Variants in VWDE observed in about 807,000 individuals in gnomAD.
VWDE encodes von Willebrand factor D and EGF domain-containing protein.
VWDE carries 207 observed loss-of-function variants against 178.4 expected under a neutral mutation model. The ratio of observed to expected loss-of-function variants is 1.16; its 90% CI spans 1.04 to 1.30. The LOEUF is 1.30. VWDE is among the 50% of genes most tolerant of loss of function. VWDE has a pLI of 0.00. For missense variants in VWDE, 2,287 were observed against 1,901.3 expected (o/e 1.20, Z -3.77); for synonymous variants, 738 against 651.4 (o/e 1.13, Z -2.02).
At chr7:12,375,303 T>C in intron 7 of VWDE, 76 bp from the exon 8 acceptor site, 1 of 1,036,066 alleles carries the variant, frequency 9.7e-7, no homozygotes. Flanking sequence ...TTAATTAACA[T>C]GAAACACTGA....
At chr7:12,352,418 CT>C (rs1357323640) in intron 18 of VWDE, among the ~76,000 whole-genome samples, 1 of 152,144 alleles carries the variant, frequency 6.6e-6, no homozygotes, top group Non-Finnish European at 1.5e-5. Flanking sequence ...ACCAAAAGTC[CT>C]TTTGTATTAA....
intron 3 of VWDE, 88 bp downstream of exon 3, chr7:12,389,039 C>T (rs1356912758): frequency 2.1e-6 from 2 of 937,136 alleles, no homozygotes; most frequent in Non-Finnish European, 3.4e-6. Flanking sequence ...CTGAGATTTG[C>T]ACTAACTCAA....
At chr7:12,332,579 C>A (rs1010216431) in intron 28 of VWDE, among the ~76,000 whole-genome samples, 2 of 152,092 alleles carry the variant, frequency 1.3e-5, no homozygotes, top group Non-Finnish European at 2.9e-5. Flanking sequence ...ACTTAGGCTG[C>A]CTTCAAACCC....
chr7:12,340,243 T>C lies in VWDE; in HGVS notation c.4366+79A>G. ...AAAATCGCATCTTTCCCTTTGAAAC[T>C]TGTCTCATGTTTACTCAGAGCTCTG... On this transcript the variant is annotated intron_variant, in intron 24 of 28. Coordinates refer to ENST00000275358, the MANE Select transcript of VWDE (RefSeq NM_001135924.3). The C allele has an allele frequency of 2.7e-6, 3 of 1,122,830 alleles. No individual in the cohort carries two copies. The South Asian group carries it at 4.8e-5, about 18-fold the overall frequency. 69.6% of individuals were successfully genotyped at this position (1,122,830 alleles called of 1,614,324 possible). A position where few individuals can be genotyped will look rare whatever the true frequency, so the allele number is the denominator to read the frequency against.
rs2128550127 is a variant in VWDE at position 12,351,621 on chromosome 7, C to A, written c.3838G>T (p.Ala1280Ser). The change falls in exon 19 of 29, where the codon GCC (alanine) becomes TCC (serine). Residue 1280 changes from alanine to serine, a missense_variant. By Grantham distance (99) the Ala-to-Ser change is moderately conservative (BLOSUM62 1). Transcript: ENST00000275358. ...TTAACATGCCTCTTTCTCCCTTGGG[C>A]ATTTTTATCATCCTCTTCTTTATTT... ...SVNKEEDDKN[A>S]QGRKRHVKPT... 6.5e-7 allele frequency: 1 copy of A among 1,549,256 alleles called. No homozygotes were observed. Among genetic ancestry groups the A allele is most frequent in the African/African-American group, 1.4e-5 (1 of 72,500 alleles).
At chr7:12,364,626 A>G (rs1425410864) in intron 13 of VWDE, among the ~76,000 whole-genome samples, 1 of 152,164 alleles carries the variant, frequency 6.6e-6, no homozygotes, top group Non-Finnish European at 1.5e-5. Flanking sequence ...TAAATTGGAA[A>G]CAAGGAACAG....
Position 12,383,621 on chromosome 7 carries a change from G to T in VWDE, c.476-20C>A. 2 of 1,547,240 alleles carry T rather than the reference G, an allele frequency of 1.3e-6. No individual in the cohort carries two copies. Among genetic ancestry groups the T allele is most frequent in the South Asian group, 1.2e-5 (1 of 83,894 alleles). ...AAATAGCTGCCAAGGGTTAAGGTTT[G>T]TATAATTATTCAGCTGGGCATGAAG... is the stretch of plus-strand genomic sequence containing the variant. On this transcript the variant is annotated intron_variant, in intron 3 of 28. Transcript: ENST00000275358.
At position 12,370,859 on chromosome 7, in the gene VWDE, C is replaced by A; in HGVS notation, c.1593G>T (p.Trp531Cys). Residue 531 changes from tryptophan (W) to cysteine (C), a missense_variant, in exon 11 of 29, where the codon TGG becomes TGT. Transcript: ENST00000275358. ...CACGGATAAATGCCCCAGAAGAAAACCAGATCTGAAAAACAGAAATAAATA... is the reference window on the plus strand; with the variant it reads ...CACGGATAAATGCCCCAGAAGAAAAACAGATCTGAAAAACAGAAATAAATA... ...ESYLGRKVTI[W>C]FSSGAFIRAD... 1 of 1,512,346 alleles carries A rather than the reference C, an allele frequency of 6.6e-7. No individual in the cohort carries two copies. The allele number at this position is 1,512,346 out of a possible 1,614,324, so 93.7% of individuals were successfully genotyped here. A position where few individuals can be genotyped will look rare whatever the true frequency, so the allele number is the denominator to read the frequency against.
Position 12,392,750 on chromosome 7 carries a change from C to T in VWDE, c.243+844G>A, listed in dbSNP as rs376557849. Among the ~76,000 whole-genome samples, 308 of 148,842 alleles carry T rather than the reference C, an allele frequency of 2.1e-3. 1 individual carries two copies. Among genetic ancestry groups the T allele is most frequent in the African/African-American group, 7.2e-3 (290 of 40,298 alleles). ...GGCTAGTTCACTATACAAGACAATG[C>T]TATGATCACAATCATATCGTGTTGT... On this transcript the variant is annotated intron_variant, in intron 2 of 28. Transcript: ENST00000275358.
intron 9 of VWDE, 133 bp downstream of exon 9, chr7:12,374,556 C>T (rs1277593765): frequency 1.7e-6 from 1 of 583,326 alleles, no homozygotes; most frequent in Non-Finnish European, 2.9e-6. Context: ...TATCTTGAAA[C>T]AAGCCAGTAA....
At chr7:12,361,115 T>C (rs1782550945) in intron 15 of VWDE, 32 bp downstream of exon 15, 3 of 1,336,148 alleles carry the variant, frequency 2.2e-6, no homozygotes, top group Non-Finnish European at 2.1e-6. Context: ...ACCTATGATG[T>C]AAATGTGAAA....
In VWDE at chr7:12,336,170, G is replaced by A; in HGVS notation, c.4625C>T (p.Ser1542Phe). ...TTGACACCGCACTCCTTCCCAGGAG[G>A]AAGGACAATGGCATATGCTGGGCGC... ...CIAPSICHCP[S>F]SWEGVRCQIP... The change falls in exon 27 of 29, where the codon TCC becomes TTC. Residue 1542 changes from serine (S) to phenylalanine (F), a missense_variant. Coordinates refer to ENST00000275358, the MANE Select transcript of VWDE (RefSeq NM_001135924.3). 1 of 1,551,246 alleles carries A rather than the reference G, an allele frequency of 6.4e-7. No homozygotes were observed. Among genetic ancestry groups the A allele is most frequent in the Non-Finnish European group, 8.7e-7 (1 of 1,146,876 alleles).
chr7:12,396,531 T>G (rs1222065196), intron 1 of VWDE, among the ~76,000 whole-genome samples: 1 of 152,218 alleles, frequency 6.6e-6, no homozygotes, highest in African/African-American at 2.4e-5. Flanking sequence ...TCCCCAAATG[T>G]AATGAGAAAT....
intron 1 of VWDE, among the ~76,000 whole-genome samples, chr7:12,396,754 TAAAA>T (rs60278932): frequency 7.1e-6 from 1 of 140,030 alleles, no homozygotes; most frequent in African/African-American, 2.6e-5. Context: ...CATCTCTACT[TAAAA>T]AAAAAAAAAA....
intron 24 of VWDE, among the ~76,000 whole-genome samples, chr7:12,339,892 G>C (rs536841168): frequency 6.6e-6 from 1 of 152,054 alleles, no homozygotes. Flanking sequence ...CTTGCGTAGC[G>C]CTGTGCACAG....
intron 1 of VWDE, among the ~76,000 whole-genome samples, chr7:12,399,106 G>T (rs1029856487): frequency 6.6e-6 from 1 of 152,054 alleles, no homozygotes; most frequent in Non-Finnish European, 1.5e-5. Context: ...AACACAAATG[G>T]TTGAAAAGCA....
chr7:12,347,844 CAA>C (rs1409334938), intron 19 of VWDE, among the ~76,000 whole-genome samples: 2 of 151,982 alleles, frequency 1.3e-5, no homozygotes, highest in African/African-American at 4.8e-5. Flanking sequence ...CTACAGTAAC[CAA>C]AACAGCATGG....
At chr7:12,387,781 G>A (rs2128560490) in intron 3 of VWDE, among the ~76,000 whole-genome samples, 1 of 152,206 alleles carries the variant, frequency 6.6e-6, no homozygotes, top group East Asian at 1.9e-4. Flanking sequence ...TCAATCAAGT[G>A]TTCATCTGCT....
intron 18 of VWDE, among the ~76,000 whole-genome samples, chr7:12,352,369 T>C (rs1458201649): frequency 1.3e-5 from 2 of 152,162 alleles, no homozygotes. Flanking sequence ...ATCCATTGAC[T>C]CTGGTACCTA....
Sources: gnomAD v4.1 joint callset for allele counts (sites outside exome capture counted in the v4.1 genomes callset) on GRCh38, gnomAD v4.1.1 for gene constraint, MANE v1.5 for transcripts, NCBI Gene and HGNC (gene_info 2026-07-23, HGNC 2026-07-21) for gene names.